Variants in RBFOX1 observed in about 807,000 individuals in gnomAD.
RBFOX1 encodes the protein RNA binding protein fox-1 homolog 1.
A neutral mutation model predicts 57.7 loss-of-function variants in RBFOX1; 8 were observed. The ratio of observed to expected loss-of-function variants is 0.14; its 90% confidence interval spans 0.08 to 0.25. RBFOX1 has a LOEUF of 0.25. Among genes scored for constraint, RBFOX1 ranks in the 10% least tolerant of loss-of-function variants. RBFOX1 has a pLI of 1.00. For missense variants in RBFOX1, 611 were observed against 548.5 expected, an observed-to-expected ratio of 1.11 and a Z score of -1.14; for synonymous variants, 326 against 222.4, an observed-to-expected ratio of 1.47 and a Z score of -4.15.
chr16:7,233,118 T>G (rs2093594796), intron 4 of RBFOX1, among the ~76,000 whole-genome samples: 1 of 151,888 alleles, frequency 6.6e-6, no homozygotes, highest in Non-Finnish European at 1.5e-5. Flanking sequence ...TGCTTTCCCT[T>G]CCCAGTTAAA....
intron 3 of RBFOX1, among the ~76,000 whole-genome samples, chr16:5,704,092 G>A (rs2051150820): frequency 6.6e-6 from 1 of 152,100 alleles, no homozygotes; most frequent in South Asian, 2.1e-4. Flanking sequence ...ACCTTGAACT[G>A]CTTGTTGGGC....
At chr16:5,346,614 G>A (rs919046035) in intron 1 of RBFOX1, among the ~76,000 whole-genome samples, 6 of 152,228 alleles carry the variant, frequency 3.9e-5, no homozygotes, top group Non-Finnish European at 7.3e-5. Context: ...TGCACGTCTT[G>A]TCTTATCCCC....
At chr16:5,405,026 A>T (rs1239370052) in intron 1 of RBFOX1, among the ~76,000 whole-genome samples, 1 of 152,214 alleles carries the variant, frequency 6.6e-6, no homozygotes, top group Non-Finnish European at 1.5e-5. Flanking sequence ...TCTGTGAGTT[A>T]GGTACTGTTA....
intron 1 of RBFOX1, among the ~76,000 whole-genome samples, chr16:5,452,577 G>A (rs1200334115): frequency 6.6e-6 from 1 of 151,648 alleles, no homozygotes; most frequent in Non-Finnish European, 1.5e-5. Context: ...CCTTTCACCT[G>A]CCCTGCCTTA....
intron 2 of RBFOX1, among the ~76,000 whole-genome samples, chr16:6,583,155 A>G (rs890352661): frequency 3.3e-5 from 5 of 152,178 alleles, no homozygotes; most frequent in African/African-American, 1.2e-4. Context: ...TGGAAGATAG[A>G]GATCTCATTT....
At chr16:5,677,889 G>A (rs1244196649) in intron 3 of RBFOX1, among the ~76,000 whole-genome samples, 1 of 151,986 alleles carries the variant, frequency 6.6e-6, no homozygotes, top group African/African-American at 2.4e-5. Context: ...ATGAAGTGAG[G>A]GAGGCAGGTC....
intron 1 of RBFOX1, among the ~76,000 whole-genome samples, chr16:6,134,442 C>T (rs2096651490): frequency 2.0e-5 from 3 of 152,166 alleles, no homozygotes; most frequent in Non-Finnish European, 4.4e-5. Context: ...AAATGAATGT[C>T]TTGTTAGGGG....
intron 1 of RBFOX1, among the ~76,000 whole-genome samples, chr16:5,445,599 G>T (rs2068217503): frequency 6.6e-6 from 1 of 152,204 alleles, no homozygotes; most frequent in Non-Finnish European, 1.5e-5. Flanking sequence ...GTCAGAGGTG[G>T]AGGATAATCC....
At chr16:6,815,091 G>A (rs536884154) in intron 3 of RBFOX1, among the ~76,000 whole-genome samples, 2 of 152,178 alleles carry the variant, frequency 1.3e-5, no homozygotes, top group African/African-American at 2.4e-5. Flanking sequence ...TAGAACTGAG[G>A]GTTTCTCCCC....
Position 5,974,476 on chromosome 16 carries a change from G to A in RBFOX1, c.351+107141G>A, listed in dbSNP as rs149802058. ...ATACAAAAAATTAGCTGGCCGTGGT[G>A]GTGTGCACCTGTAATCCCAGCTACT... On this transcript the variant is annotated intron_variant, in intron 4 of 19. Coordinates refer to the RBFOX1 transcript ENST00000641259. Among the ~76,000 whole-genome samples the A allele has an allele frequency of 2.2e-4, 33 of 152,052 alleles. No individual in the cohort carries two copies. In the East Asian group the frequency reaches 6.4e-3, roughly 30 times the overall value.
At chr16:5,613,804 G>T (rs1056809983) in intron 3 of RBFOX1, among the ~76,000 whole-genome samples, 106 of 147,610 alleles carry the variant, frequency 7.2e-4, no homozygotes, top group South Asian at 1.3e-3. Flanking sequence ...GGTAGATGGG[G>T]TTTTTTTTTT....
At chr16:6,230,429 G>C (rs749825435) in intron 1 of RBFOX1, among the ~76,000 whole-genome samples, 7 of 152,144 alleles carry the variant, frequency 4.6e-5, no homozygotes, top group Non-Finnish European at 8.8e-5. Flanking sequence ...TCTGTGGAGT[G>C]CTCAGAATGG....
chr16:5,666,534 T>A (rs142978445), intron 3 of RBFOX1, among the ~76,000 whole-genome samples: 469 of 152,342 alleles, frequency 3.1e-3, no homozygotes, highest in Non-Finnish European at 5.1e-3. Context: ...GGAGCCTGCG[T>A]TTCTGTTGGA....
chr16:7,183,674 T>A (rs188580335), intron 4 of RBFOX1, among the ~76,000 whole-genome samples: 1 of 152,120 alleles, frequency 6.6e-6, no homozygotes, highest in Non-Finnish European at 1.5e-5. Flanking sequence ...CCAGATGATA[T>A]CTTCAGGCAG....
chr16:5,895,051 AG>A (rs1482003246), intron 4 of RBFOX1, among the ~76,000 whole-genome samples: 1 of 151,698 alleles, frequency 6.6e-6, no homozygotes, highest in Non-Finnish European at 1.5e-5. Flanking sequence ...AATTTACAGA[AG>A]GGGGTATTAC....
chr16:6,535,642 G>A (rs554850764), intron 2 of RBFOX1, among the ~76,000 whole-genome samples: 3 of 152,240 alleles, frequency 2.0e-5, no homozygotes, highest in South Asian at 2.1e-4. Flanking sequence ...TCCATCAACC[G>A]TTGCTCCAGG....
chr16:5,448,945 A>C (rs1481672919), intron 1 of RBFOX1, among the ~76,000 whole-genome samples: 1 of 152,024 alleles, frequency 6.6e-6, no homozygotes, highest in Non-Finnish European at 1.5e-5. Flanking sequence ...TCTCTACTGC[A>C]GACCCCCTGG....
intron 14 of RBFOX1, among the ~76,000 whole-genome samples, chr16:7,692,292 G>A (rs1568488505): frequency 6.6e-6 from 1 of 152,122 alleles, no homozygotes; most frequent in South Asian, 2.1e-4. Flanking sequence ...TTAACTGAAT[G>A]TGAAATTCTA....
intron 1 of RBFOX1, among the ~76,000 whole-genome samples, chr16:5,291,022 G>C (rs1173572695): frequency 3.3e-5 from 5 of 152,284 alleles, no homozygotes; most frequent in Admixed American, 6.5e-5. Context: ...CTTTCAAGAA[G>C]TTTGTGTGGC....
Sources: gnomAD v4.1 joint callset for allele counts (sites outside exome capture counted in the v4.1 genomes callset) on GRCh38, gnomAD v4.1.1 for gene constraint, MANE v1.5 for transcripts, NCBI Gene and HGNC (gene_info 2026-07-23, HGNC 2026-07-21) for gene names.